The following VCL variants were observed in gnomAD, a reference collection of about 807,000 sequenced individuals.
The protein encoded by VCL is vinculin.
VCL carries 47 observed loss-of-function variants against 125.7 expected under a neutral mutation model. The ratio of observed to expected loss-of-function variants is 0.37; its 90% CI spans 0.30 to 0.48. The LOEUF is 0.48. Ranked by LOEUF, VCL falls within the 20% of genes least tolerant of loss-of-function variation. The pLI is 0.99. For synonymous variants in VCL, 458 were observed against 514.6 expected (o/e 0.89, Z 1.49); for missense variants, 1,069 against 1,455.5 (o/e 0.73, Z 4.32).
At chr10:74,110,159 A>C (rs1256891068) in intron 18 of VCL, among the ~76,000 whole-genome samples, 2 of 152,192 alleles carry the variant, frequency 1.3e-5, no homozygotes, top group Non-Finnish European at 2.9e-5. Context: ...CTGTAGAATT[A>C]TTTATAATGG....
chr10:74,052,500 G>GC (rs1435114691), intron 2 of VCL, among the ~76,000 whole-genome samples: 1 of 147,480 alleles, frequency 6.8e-6, no homozygotes, highest in East Asian at 2.1e-4. Flanking sequence ...CCTCAGCCCC[G>GC]CAAGTAGCTG....
intron 1 of VCL, chr10:74,005,294 G>T (rs2136222917): frequency 6.6e-6 from 1 of 151,884 alleles, no homozygotes; most frequent in East Asian, 1.9e-4. Flanking sequence ...TCGCCCTGTT[G>T]CCCAGGCTGG....
intron 6 of VCL, chr10:74,076,247 T>C (rs1564524622): frequency 6.5e-6 from 1 of 152,712 alleles, no homozygotes; most frequent in Non-Finnish European, 1.5e-5. Context: ...GAATGTGATT[T>C]AATACGGGAC....
chr10:74,004,163 A>AT (rs1423508027), intron 1 of VCL, among the ~76,000 whole-genome samples: 5 of 152,240 alleles, frequency 3.3e-5, no homozygotes, highest in South Asian at 2.1e-4. Context: ...TGGGTGGGTG[A>AT]TTTTTTTCTT....
In VCL at chr10:74,108,922, G is replaced by A. The variant is rs780355735; in HGVS notation, c.2560-49G>A. The A allele has an allele frequency of 1.8e-5, 29 of 1,607,106 alleles. 1 individual carries two copies. The Admixed American group carries it at 4.2e-4, about 23-fold the overall frequency. ...TTTAGAAGAAAGGAAAGAATTCCAG[G>A]GGGGAGTAGTTTTAGGACTTTACTT... is the stretch of plus-strand genomic sequence containing the variant. On this transcript the variant is annotated intron_variant, in intron 17 of 21. Coordinates refer to ENST00000211998, the MANE Select transcript of VCL (RefSeq NM_014000.3).
In VCL at chr10:74,083,618, TAGATA is replaced by T. The variant is rs1351609184; in HGVS notation, c.1022+107_1022+111del. The stretch of plus-strand genomic sequence containing the variant: ...AGTTTTGAGTTATCTCTTTGGCTAG[TAGATA>T]ACAGAGATATTATAGTCTATTAAAT... On this transcript the variant is annotated intron_variant, in intron 8 of 21. Coordinates refer to ENST00000211998, the MANE Select transcript of VCL (RefSeq NM_014000.3). The T allele has an allele frequency of 2.3e-5, 31 of 1,366,860 alleles. 1 individual carries two copies. Among genetic ancestry groups the T allele is most frequent in the African/African-American group, 4.3e-5 (3 of 69,308 alleles). 84.7% of individuals were successfully genotyped at this position (1,366,860 alleles called of 1,614,324 possible). A position where few individuals can be genotyped will look rare whatever the true frequency, so the allele number is the denominator to read the frequency against.
In VCL at chr10:74,070,678, A is replaced by C; in HGVS notation, c.248A>C (p.Asn83Thr). ...TGTGTTCTTCCCTATAGGGTTGAGA[A>C]TGCTTGCACCAAGCTTGTCCAGGCA... ...DMPPAFIKVENACTKLVQAAQ... is the reference protein window; with the variant it reads ...DMPPAFIKVETACTKLVQAAQ... Residue 83 changes from asparagine to threonine, a missense_variant, in exon 3 of 22, where the codon AAT becomes ACT. By Grantham distance (65) the Asn-to-Thr change is moderately conservative. Transcript: ENST00000211998. 6.2e-7 allele frequency: 1 copy of C among 1,614,118 alleles called. No homozygotes were observed. The highest frequency in any genetic ancestry group is 8.5e-7 in the Non-Finnish European group (1 of 1,180,022).
At position 74,094,321 on chromosome 10, in the gene VCL, C is replaced by T. The variant is rs147957747; in HGVS notation, c.1403C>T (p.Thr468Met). 57 of 1,614,122 alleles carry T rather than the reference C, an allele frequency of 3.5e-5. No individual in the cohort carries two copies. The African/African-American group carries it at 3.9e-4, about 11-fold the overall frequency. The change falls in exon 11 of 22, where the codon ACG becomes ATG. Residue 468 changes from threonine to methionine, a missense_variant. Physicochemically the swap from Thr to Met is moderately conservative, Grantham distance 81. Coordinates refer to ENST00000211998, the MANE Select transcript of VCL (RefSeq NM_014000.3). ...CGAGCCTTGGCCAAACAGGTGGCCA[C>T]GGCCCTGCAGAACCTGCAGACCAAA... ...EARALAKQVA[T>M]ALQNLQTKTN...
chr10:74,009,625 A>G (rs1840391886), intron 1 of VCL, among the ~76,000 whole-genome samples: 1 of 151,066 alleles, frequency 6.6e-6, no homozygotes, highest in Non-Finnish European at 1.5e-5. Flanking sequence ...ATTAATTATT[A>G]TTATTATTTT....
intron 1 of VCL, among the ~76,000 whole-genome samples, chr10:74,029,199 C>T (rs1840827739): frequency 6.6e-6 from 1 of 151,666 alleles, no homozygotes; most frequent in South Asian, 2.1e-4. Context: ...CTGCAAGCTC[C>T]GCCTCCTGGG....
At chr10:74,091,208 C>T (rs905554906) in intron 10 of VCL, among the ~76,000 whole-genome samples, 10 of 152,122 alleles carry the variant, frequency 6.6e-5, no homozygotes, top group Non-Finnish European at 2.9e-5. Flanking sequence ...AAGTTGCTCT[C>T]TATACTCTTA....
intron 11 of VCL, 144 bp from the exon 12 acceptor site, chr10:74,095,512 C>A: frequency 1.1e-6 from 1 of 946,374 alleles, no homozygotes; most frequent in Non-Finnish European, 1.6e-6. Context: ...ATTGCTTGAG[C>A]CGGCAGGTCA....
At chr10:74,045,393 C>T (rs963152020) in intron 2 of VCL, among the ~76,000 whole-genome samples, 1 of 151,764 alleles carries the variant, frequency 6.6e-6, no homozygotes, top group African/African-American at 2.4e-5. Flanking sequence ...GAGACCAAGG[C>T]AGGTGGATCA....
chr10:74,079,192 T>C, intron 6 of VCL, among the ~76,000 whole-genome samples: 1 of 152,148 alleles, frequency 6.6e-6, no homozygotes, highest in East Asian at 1.9e-4. Flanking sequence ...ATTTAAAACA[T>C]GAATTCATAA....
At chr10:74,064,578 TA>T (rs1425183647) in intron 2 of VCL, among the ~76,000 whole-genome samples, 2 of 152,016 alleles carry the variant, frequency 1.3e-5, no homozygotes, top group Non-Finnish European at 1.5e-5. Flanking sequence ...CCTATCTTTT[TA>T]AAATTTTTAG....
intron 1 of VCL, among the ~76,000 whole-genome samples, chr10:74,017,046 CTTTTT>C (rs549275362): frequency 0.39 from 44,571 of 113,188 alleles, 9,175 homozygotes; most frequent in Middle Eastern, 0.55. Context: ...AATTTCCTTC[CTTTTT>C]TTTTTTTTTT....
intron 10 of VCL, 62 bp downstream of exon 10, chr10:74,090,260 C>T: frequency 1.9e-6 from 3 of 1,583,650 alleles, no homozygotes; most frequent in South Asian, 2.2e-5. Context: ...TCTCCCTTCC[C>T]TCTCCCTTTC....
rs750293810 is a variant in VCL at position 74,097,276 on chromosome 10, A to G, written c.1816A>G (p.Ile606Val). ...SDVFSDTTTP[I>V]KLLAVAATAP... The stretch of plus-strand genomic sequence containing the variant: ...TGTTTTCAGCGATACCACAACTCCC[A>G]TCAAGCTGTTGGCAGTGGCAGCCAC... Residue 606 changes from isoleucine (I) to valine (V), a missense_variant, in exon 13 of 22, where the codon ATC (isoleucine) becomes GTC (valine). Ile to Val is a conservative substitution (Grantham distance 29). Transcript: ENST00000211998. The surrounding 1 kb of genome is among the most constrained non-coding windows in gnomAD (Gnocchi z 4.1). 13 of 1,614,008 alleles carry G rather than the reference A, an allele frequency of 8.1e-6. No individual in the cohort carries two copies. The highest frequency in any genetic ancestry group is 1.1e-5 in the Non-Finnish European group (13 of 1,180,000).
chr10:74,014,200 CATTA>C (rs1840492138), intron 1 of VCL, among the ~76,000 whole-genome samples: 1 of 152,068 alleles, frequency 6.6e-6, no homozygotes, highest in South Asian at 2.1e-4. Flanking sequence ...TTAACTCAAG[CATTA>C]ATTGTCTTTT....
Sources: allele counts gnomAD v4.1 joint callset (sites outside exome capture counted in the v4.1 genomes callset), GRCh38; gene constraint gnomAD v4.1.1; non-coding constraint Gnocchi (gnomAD v3.1); transcripts MANE v1.5; gene names NCBI Gene and HGNC (gene_info 2026-07-23, HGNC 2026-07-21).